TECPR1: variants seen among roughly 807,000 people sequenced by gnomAD.
The protein encoded by TECPR1 is tectonin beta-propeller repeat-containing protein 1.
A neutral mutation model predicts 162.4 loss-of-function variants in TECPR1; 122 were observed. The ratio of observed to expected loss-of-function variants is 0.75; its 90% CI spans 0.65 to 0.87. The LOEUF (loss-of-function observed/expected upper bound fraction) is 0.87. TECPR1 is among the 40% of genes least tolerant of loss of function. The pLI is 0.00. For missense variants in TECPR1, 1,432 were observed against 1,618.2 expected, an observed-to-expected ratio of 0.88 and a Z score of 1.97; for synonymous variants, 642 against 670.6, an observed-to-expected ratio of 0.96 and a Z score of 0.66.
chr7:98,220,564 C>CTT (rs112300518), intron 23 of TECPR1, among the ~76,000 whole-genome samples: 23,121 of 123,672 alleles, frequency 0.19, 2,342 homozygotes, highest in East Asian at 0.27. Context: ...CCACATCTGG[C>CTT]TTTTTTTTTT....
rs1379823560 is a variant in TECPR1, at chr7:98,214,887, CCTT to C, written c.*2500_*2502del. 1.3e-5 allele frequency: 2 copies of C among 152,378 alleles called. No individual in the cohort carries two copies. The highest frequency in any genetic ancestry group is 4.8e-5 in the African/African-American group (2 of 41,456). 9.4% of individuals were successfully genotyped at this position (152,378 alleles called of 1,614,324 possible). ...GGTGACCTGGGCCGAGCCGCCCAGT[CCTT>C]CTTCCCCTGAGGCCAGAGGGGACGC... is the stretch of plus-strand genomic sequence containing the variant. On this transcript the variant is annotated 3_prime_UTR_variant, in exon 26 of 26. Transcript: ENST00000447648.
intron 14 of TECPR1, 52 bp downstream of exon 14, chr7:98,231,172 C>T (rs969868941): frequency 1.7e-5 from 28 of 1,607,856 alleles, no homozygotes; most frequent in African/African-American, 2.7e-5. Context: ...GGCCAGGCCA[C>T]CCCACCATGG....
chr7:98,233,154 A>G, intron 11 of TECPR1, 182 bp from the exon 12 acceptor site: 1 of 829,948 alleles, frequency 1.2e-6, no homozygotes, highest in Non-Finnish European at 1.8e-6. Context: ...TCAGCCTGGA[A>G]AGCAGCCACC....
In TECPR1 at chr7:98,228,960, C is replaced by T. The variant is rs1798348809; in HGVS notation, c.2410+79G>A. ...GTGAACACTGGGACAATGGCCCTGG[C>T]CTTGGGCAGGGAACCCAGACGGGGA... On this transcript the variant is annotated intron_variant, in intron 16 of 25. Coordinates refer to ENST00000447648, the MANE Select transcript of TECPR1 (RefSeq NM_015395.3). The T allele has an allele frequency of 1.3e-5, 20 of 1,522,308 alleles. No homozygotes were observed. The South Asian group carries it at 1.7e-4, about 13-fold the overall frequency. 94.3% of individuals were successfully genotyped at this position (1,522,308 alleles called of 1,614,324 possible). A position where few individuals can be genotyped will look rare whatever the true frequency, so the allele number is the denominator to read the frequency against.
intron 16 of TECPR1, chr7:98,228,359 T>C: frequency 2.0e-6 from 1 of 510,478 alleles, no homozygotes; most frequent in Non-Finnish European, 3.6e-6. Context: ...TGCTGTGCAT[T>C]AAATCTCCCA....
In TECPR1 at chr7:98,231,814, T is replaced by C. The variant is rs376003992; in HGVS notation, c.1964A>G (p.Glu655Gly). Reference protein sequence around the residue: ...SILFIYYVVHEEKKYIHIFLN... With the variant: ...SILFIYYVVHGEKKYIHIFLN... ...GGGACCCGTGGGCACCTTCTTCTCC[T>C]CGTGGACCACATAGTAGATGAAGAG... Residue 655 changes from glutamate (E) to glycine (G), a missense_variant, in exon 13 of 26, where the codon GAG (glutamate) becomes GGG (glycine). Coordinates refer to ENST00000447648, the MANE Select transcript of TECPR1 (RefSeq NM_015395.3). 4 of 1,611,746 alleles carry C rather than the reference T, an allele frequency of 2.5e-6. No homozygotes were observed. The African/African-American group carries it at 5.3e-5, about 22-fold the overall frequency.
chr7:98,225,156 C>T (rs1356003421), intron 17 of TECPR1, 54 bp from the exon 18 acceptor site: 4 of 1,477,468 alleles, frequency 2.7e-6, no homozygotes, highest in Non-Finnish European at 3.7e-6. Flanking sequence ...TGAACTGGCT[C>T]ACTCAGACAC....
intron 2 of TECPR1, among the ~76,000 whole-genome samples, chr7:98,247,209 T>A (rs1798934249): frequency 6.6e-6 from 1 of 151,944 alleles, no homozygotes; most frequent in Non-Finnish European, 1.5e-5. Flanking sequence ...GTGGTTTGAT[T>A]ACAACTCGTT....
In TECPR1 at chr7:98,222,477, G is replaced by C. The variant is rs570872157; in HGVS notation, c.2973C>G (p.Ser991=). ...CCTGGTAGCAGGCCCCGATGGAGAT[G>C]GAGGCGAAGGGCTGGTCGGTGCCAA... ...LHVGTDQPFA[S]ISIGACYQVW... is the part of the protein sequence containing the mutation. The change falls in exon 22 of 26, where the codon TCC becomes TCG. Residue 991 remains serine (S), a synonymous_variant. Coordinates refer to ENST00000447648, the MANE Select transcript of TECPR1 (RefSeq NM_015395.3). 35 of 1,594,322 alleles carry C rather than the reference G, an allele frequency of 2.2e-5. No homozygotes were observed. Among genetic ancestry groups the C allele is most frequent in the Non-Finnish European group, 3.0e-5 (35 of 1,171,592 alleles).
rs761346219 is a variant in TECPR1 at position 98,236,867 on chromosome 7, G to A, written c.1090C>T (p.Pro364Ser). 1.5e-5 allele frequency: 23 copies of A among 1,581,838 alleles called. No individual in the cohort carries two copies. The highest frequency in any genetic ancestry group is 2.0e-5 in the Non-Finnish European group (23 of 1,166,310). Residue 364 changes from proline (P) to serine (S), a missense_variant, in exon 10 of 26, where the codon CCC becomes TCC. Physicochemically the swap from Pro to Ser is moderately conservative, Grantham distance 74. Coordinates refer to ENST00000447648, the MANE Select transcript of TECPR1 (RefSeq NM_015395.3). Reference protein sequence around the residue: ...RAVYFRQGVTPSELSGKTWKA... With the variant: ...RAVYFRQGVTSSELSGKTWKA... ...CAGGTCTTCCCACTGAGCTCGCTGG[G>A]GGTGACACCCTGCCGGAAGTACACG...
intron 8 of TECPR1, among the ~76,000 whole-genome samples, 153 bp from the exon 9 acceptor site, chr7:98,238,763 T>TC (rs971735602): frequency 6.6e-6 from 1 of 151,024 alleles, no homozygotes; most frequent in African/African-American, 2.4e-5. Flanking sequence ...GAAGCCCTTA[T>TC]CCGTGATCCA....
chr7:98,239,401 A>T (rs993423498), intron 8 of TECPR1, among the ~76,000 whole-genome samples: 1 of 152,086 alleles, frequency 6.6e-6, no homozygotes, highest in Non-Finnish European at 1.5e-5. Context: ...AAAATACTAC[A>T]AATACTAGTC....
At chr7:98,240,655 T>C (rs1798719530) in intron 8 of TECPR1, among the ~76,000 whole-genome samples, 196 bp downstream of exon 8, 1 of 152,068 alleles carries the variant, frequency 6.6e-6, no homozygotes, top group South Asian at 2.1e-4. Context: ...CCTCAGGCAA[T>C]CTGCCCACCT....
intron 10 of TECPR1, among the ~76,000 whole-genome samples, chr7:98,234,986 C>G (rs1269529751): frequency 2.0e-5 from 3 of 152,164 alleles, no homozygotes; most frequent in African/African-American, 7.2e-5. Context: ...AGTGCTGGGA[C>G]TGCAGGTGTG....
intron 9 of TECPR1, 50 bp from the exon 10 acceptor site, chr7:98,236,971 C>T: frequency 6.8e-7 from 1 of 1,474,624 alleles, no homozygotes; most frequent in Non-Finnish European, 9.0e-7. Flanking sequence ...GGCCCGGGGG[C>T]TCTTCTCGCT....
chr7:98,245,876 C>G (rs1323185627), intron 3 of TECPR1, 46 bp downstream of exon 3: 1 of 1,522,310 alleles, frequency 6.6e-7, no homozygotes, highest in East Asian at 2.4e-5. Flanking sequence ...AACCAATAAC[C>G]CAGCGAACTG....
chr7:98,245,765 C>T (rs374743016), intron 3 of TECPR1, among the ~76,000 whole-genome samples, 157 bp downstream of exon 3: 3 of 152,172 alleles, frequency 2.0e-5, no homozygotes, highest in South Asian at 2.1e-4. Context: ...TGAGTCACCA[C>T]GCCTGGCAGC....
intron 13 of TECPR1, 168 bp downstream of exon 13, chr7:98,231,626 TTCCCCGGGCA>T (rs1798442646): frequency 1.9e-5 from 6 of 309,134 alleles, no homozygotes; most frequent in East Asian, 8.2e-5. Context: ...CTGTACCCCC[TTCCCCGGGCA>T]CCCCCATTTC....
intron 17 of TECPR1, among the ~76,000 whole-genome samples, chr7:98,225,311 G>T (rs1163836844): frequency 6.6e-6 from 1 of 152,226 alleles, no homozygotes; most frequent in Non-Finnish European, 1.5e-5. Context: ...GACGCGGGCA[G>T]ATCACCTGAG....
Sources: gnomAD v4.1 joint callset for allele counts (sites outside exome capture counted in the v4.1 genomes callset) on GRCh38, gnomAD v4.1.1 for gene constraint, MANE v1.5 for transcripts, NCBI Gene and HGNC (gene_info 2026-07-23, HGNC 2026-07-21) for gene names.